CCDC88A: variants seen among roughly 807,000 people sequenced by gnomAD.
CCDC88A encodes coiled-coil and HOOK domain protein 88A, also known as girdin.
A neutral mutation model predicts 234.3 loss-of-function variants in CCDC88A; 54 were observed. The observed-to-expected ratio is 0.23, with a 90% CI of 0.19 to 0.29. The LOEUF (loss-of-function observed/expected upper bound fraction) is 0.29, where lower values mean the gene tolerates loss of function less well. CCDC88A is among the 10% of genes least tolerant of loss of function. The pLI is 1.00. For missense variants in CCDC88A, 1,832 were observed against 2,123.4 expected (o/e 0.86, Z 2.70); for synonymous variants, 753 against 737.8 (o/e 1.02, Z -0.33).
At chr2:55,388,430 C>CATAATTTTTT (rs1676060199) in intron 3 of CCDC88A, 1 of 107,234 alleles carries the variant, frequency 9.3e-6, no homozygotes, top group Non-Finnish European at 2.0e-5. Flanking sequence ...AAATATGCAT[C>CATAATTTTTT]CAATTCAGGT....
In CCDC88A at chr2:55,393,289, G is replaced by GTTTTTTTTT. The variant is rs558827055; in HGVS notation, c.165-4412_165-4404dup. On this transcript the variant is annotated intron_variant, in intron 2 of 32. Transcript: ENST00000436346. ...TAGAGTTTTGATTTTGGTTTTTTGG[G>GTTTTTTTTT]TTTTTTTTTTTTTTTTTTTTTTTGC... Among the ~76,000 whole-genome samples the GTTTTTTTTT allele has an allele frequency of 4.4e-4, 27 of 61,680 alleles. 4 individuals carry two copies. Among genetic ancestry groups the GTTTTTTTTT allele is most frequent in the Admixed American group, 8.7e-4 (3 of 3,438 alleles). 40.5% of individuals were successfully genotyped at this position (61,680 alleles called of 152,430 possible). A position where few individuals can be genotyped will look rare whatever the true frequency, so the allele number is the denominator to read the frequency against.
chr2:55,355,825 G>C, intron 7 of CCDC88A, 74 bp from the exon 8 acceptor site: 1 of 1,174,004 alleles, frequency 8.5e-7, no homozygotes, highest in South Asian at 1.4e-5. Context: ...GATCCACTAG[G>C]TCTAAGAATT....
intron 7 of CCDC88A, among the ~76,000 whole-genome samples, chr2:55,357,390 T>C (rs11125564): frequency 0.3 from 44,503 of 147,958 alleles, 7,052 homozygotes; most frequent in East Asian, 0.55. Flanking sequence ...CTCTCCCTCC[T>C]CTCTCTCCTC....
At chr2:55,358,716 TTTC>T (rs1670905279) in intron 7 of CCDC88A, among the ~76,000 whole-genome samples, 1 of 152,120 alleles carries the variant, frequency 6.6e-6, no homozygotes, top group Non-Finnish European at 1.5e-5. Flanking sequence ...TTTCCATTTC[TTTC>T]TTCTTATTGG....
intron 3 of CCDC88A, among the ~76,000 whole-genome samples, chr2:55,375,469 CTATATATATATATATATA>C (rs869279076): frequency 0.012 from 310 of 26,612 alleles, 8 homozygotes; most frequent in African/African-American, 0.026. Context: ...TGTCACTGTA[CTATATATATATATATATA>C]TATATATATA....
At chr2:55,395,833 A>C (rs1362042738) in intron 2 of CCDC88A, among the ~76,000 whole-genome samples, 2 of 152,240 alleles carry the variant, frequency 1.3e-5, no homozygotes, top group Non-Finnish European at 2.9e-5. Flanking sequence ...TGCTTATTGC[A>C]AGAAAATAGT....
At chr2:55,416,886 T>C (rs1308288078) in intron 2 of CCDC88A, 1 of 152,028 alleles carries the variant, frequency 6.6e-6, no homozygotes, top group African/African-American at 2.4e-5. Context: ...TAGCAAATTA[T>C]TCAAACAAAG....
intron 10 of CCDC88A, chr2:55,345,940 A>G (rs1327553404): frequency 8.9e-6 from 3 of 337,484 alleles, no homozygotes; most frequent in Non-Finnish European, 1.6e-5. Flanking sequence ...TGATGCTAAG[A>G]AAAGGAATAA....
intron 12 of CCDC88A, chr2:55,340,382 A>G (rs1315641337): frequency 6.6e-6 from 1 of 152,220 alleles, no homozygotes; most frequent in Admixed American, 6.5e-5. Flanking sequence ...CACATCCAAC[A>G]TATCCCCCAC....
At position 55,309,054 on chromosome 2, in the gene CCDC88A, T is replaced by A. The variant is rs1294337248; in HGVS notation, c.4173-31A>T. 6.4e-7 allele frequency: 1 copy of A among 1,552,236 alleles called. No homozygotes were observed. The highest frequency in any genetic ancestry group is 1.7e-5 in the Admixed American group (1 of 59,350). ...AGAATTTTAAAAATTGTTATCAGTT[T>A]AAAATTCAACATACAAATCCTTCAC... On this transcript the variant is annotated intron_variant, in intron 24 of 32. Coordinates refer to ENST00000436346, the MANE Select transcript of CCDC88A (RefSeq NM_001365480.1). The surrounding 1 kb of genome is among the most constrained non-coding windows in gnomAD (Gnocchi z 5.1).
At chr2:55,357,155 C>T (rs1480817589) in intron 7 of CCDC88A, among the ~76,000 whole-genome samples, 2 of 152,188 alleles carry the variant, frequency 1.3e-5, no homozygotes, top group Admixed American at 1.3e-4. Context: ...GTAACTGAGG[C>T]ACAGTGATTG....
At chr2:55,353,452 A>C (rs191893477) in intron 8 of CCDC88A, among the ~76,000 whole-genome samples, 1 of 152,264 alleles carries the variant, frequency 6.6e-6, no homozygotes, top group East Asian at 1.9e-4. Context: ...TAGATACATA[A>C]TAATGCAGAC....
intron 3 of CCDC88A, among the ~76,000 whole-genome samples, chr2:55,377,328 TTTTA>T (rs1036704929): frequency 6.6e-5 from 10 of 151,870 alleles, no homozygotes; most frequent in Non-Finnish European, 1.5e-4. Context: ...TGTTTTTATT[TTTTA>T]TTTGTTATAG....
At chr2:55,302,121 T>A (rs777157190) in intron 26 of CCDC88A, 49 bp from the exon 27 acceptor site, 1 of 1,443,076 alleles carries the variant, frequency 6.9e-7, no homozygotes, top group Non-Finnish European at 9.7e-7. Context: ...ATGTATTTGT[T>A]CTTATTTCTA....
At chr2:55,396,400 TA>T (rs1219350391) in intron 2 of CCDC88A, among the ~76,000 whole-genome samples, 1 of 152,226 alleles carries the variant, frequency 6.6e-6, no homozygotes, top group Non-Finnish European at 1.5e-5. Context: ...GACTGTCTCC[TA>T]TTCACACACT....
At chr2:55,302,915 T>TG (rs1430969293) in intron 26 of CCDC88A, 154 bp downstream of exon 26, 3 of 568,504 alleles carry the variant, frequency 5.3e-6, no homozygotes, top group Non-Finnish European at 6.3e-6. Context: ...CAGTGCCACT[T>TG]GAAAAAAAAA....
chr2:55,290,766 T>C lies in CCDC88A; in HGVS notation c.*434A>G, dbSNP rs1408439639. On this transcript the variant is annotated 3_prime_UTR_variant, in exon 33 of 33. Transcript: ENST00000436346. ...TAATTTAGGTTTACACAACTAAATA[T>C]AAATGGCTAGATTTTGGCTAACACT... The C allele has an allele frequency of 6.6e-6, 1 of 152,522 alleles. No homozygotes were observed. Among genetic ancestry groups the C allele is most frequent in the Non-Finnish European group, 1.5e-5 (1 of 67,948 alleles). The allele number at this position is 152,522 out of a possible 1,614,324, so 9.4% of individuals were successfully genotyped here. A position where few individuals can be genotyped will look rare whatever the true frequency, so the allele number is the denominator to read the frequency against.
At chr2:55,382,830 T>C (rs1289353193) in intron 3 of CCDC88A, among the ~76,000 whole-genome samples, 2 of 152,192 alleles carry the variant, frequency 1.3e-5, no homozygotes, top group Admixed American at 1.3e-4. Context: ...TGACCTCTCA[T>C]ATTACTACTT....
chr2:55,406,541 G>A (rs989848893), intron 2 of CCDC88A, among the ~76,000 whole-genome samples: 1 of 152,102 alleles, frequency 6.6e-6, no homozygotes, highest in African/African-American at 2.4e-5. Flanking sequence ...ATCACTTGAG[G>A]TGAAGAGTTT....
Sources: allele counts gnomAD v4.1 joint callset (sites outside exome capture counted in the v4.1 genomes callset), GRCh38; gene constraint gnomAD v4.1.1; non-coding constraint Gnocchi (gnomAD v3.1); transcripts MANE v1.5; gene names NCBI Gene and HGNC (gene_info 2026-07-23, HGNC 2026-07-21).